The following SLC17A8 variants were observed in gnomAD, a reference collection of about 807,000 sequenced individuals.
SLC17A8 encodes the protein solute carrier family 17 member 8.
Under a neutral mutation model 58.0 loss-of-function variants are expected in SLC17A8, and 31 were observed. The observed-to-expected ratio is 0.53, with a 90% CI of 0.40 to 0.72. The LOEUF (loss-of-function observed/expected upper bound fraction) is 0.72. Ranked by LOEUF, SLC17A8 falls within the 30% of genes least tolerant of loss-of-function variation. The probability of loss-of-function intolerance (pLI) is 0.00; values close to 1 mark genes in which losing one functional copy is unlikely to be tolerated. For missense variants in SLC17A8, 655 were observed against 727.8 expected, an observed-to-expected ratio of 0.90 and a Z score of 1.15; for synonymous variants, 228 against 249.0, an observed-to-expected ratio of 0.92 and a Z score of 0.79.
At position 100,380,202 on chromosome 12, in the gene SLC17A8, G is replaced by A. The variant is rs1195879714; in HGVS notation, c.102-499G>A. Among the ~76,000 whole-genome samples the A allele has an allele frequency of 2.4e-3, 114 of 47,416 alleles. 1 individual carries two copies. The highest frequency in any genetic ancestry group is 0.017 in the African/African-American group (88 of 5,250). 31.1% of individuals were successfully genotyped at this position (47,416 alleles called of 152,430 possible). ...CAACGGGCAACAAAAGCAAAACTCC[G>A]TCTCAAAAAAAAAAAAAAAGACTTA... On this transcript the variant is annotated intron_variant, in intron 1 of 11. Coordinates refer to ENST00000323346, the MANE Select transcript of SLC17A8 (RefSeq NM_139319.3).
chr12:100,384,339 C>A (rs1952658297), intron 2 of SLC17A8, among the ~76,000 whole-genome samples: 1 of 152,130 alleles, frequency 6.6e-6, no homozygotes, highest in Non-Finnish European at 1.5e-5. Flanking sequence ...GTGGCTCATG[C>A]CTGTAATCCC....
intron 11 of SLC17A8, 129 bp from the exon 12 acceptor site, chr12:100,419,686 G>A (rs368259395): frequency 3.8e-5 from 32 of 842,146 alleles, no homozygotes; most frequent in African/African-American, 2.4e-4. Flanking sequence ...ACGTCCTCCC[G>A]CCCAAGGAGC....
rs1204563003 is a variant in SLC17A8, at chr12:100,420,352, T to G, written c.*193T>G. 2 of 572,022 alleles carry G rather than the reference T, an allele frequency of 3.5e-6. No individual in the cohort carries two copies. Among genetic ancestry groups the G allele is most frequent in the Non-Finnish European group, 6.2e-6 (2 of 321,972 alleles). 35.4% of individuals were successfully genotyped at this position (572,022 alleles called of 1,614,324 possible). A position where few individuals can be genotyped will look rare whatever the true frequency, so the allele number is the denominator to read the frequency against. ...AAGGAGCTGCGCTCAGTTGATAACA[T>G]AGTTGATAATACATATTTTTTGAAT... is the stretch of plus-strand genomic sequence containing the variant. On this transcript the variant is annotated 3_prime_UTR_variant, in exon 12 of 12. Coordinates refer to ENST00000323346, the MANE Select transcript of SLC17A8 (RefSeq NM_139319.3).
At chr12:100,377,650 G>A (rs114330435) in intron 1 of SLC17A8, among the ~76,000 whole-genome samples, 3,001 of 136,024 alleles carry the variant, frequency 0.022, 29 homozygotes, top group Non-Finnish European at 0.028. Context: ...ATGCAATGCC[G>A]CTATATCAGC....
chr12:100,415,114 G>C (rs527671185), intron 10 of SLC17A8, among the ~76,000 whole-genome samples: 2 of 152,318 alleles, frequency 1.3e-5, no homozygotes, highest in Non-Finnish European at 2.9e-5. Context: ...CAATCTGAAG[G>C]AGAGAAACCC....
intron 9 of SLC17A8, 25 bp downstream of exon 9, chr12:100,404,195 T>C (rs767650447): frequency 4.6e-5 from 74 of 1,613,886 alleles, no homozygotes; most frequent in Middle Eastern, 1.7e-4. Flanking sequence ...ATAGATGGCT[T>C]AGGCAGCTTT....
chr12:100,360,104 A>C (rs931665060), intron 1 of SLC17A8, among the ~76,000 whole-genome samples: 9 of 152,238 alleles, frequency 5.9e-5, no homozygotes, highest in African/African-American at 2.2e-4. Flanking sequence ...ACAGTCAGGC[A>C]TGATTAGCTT....
chr12:100,358,844 A>G (rs1257270371), intron 1 of SLC17A8, among the ~76,000 whole-genome samples: 1 of 152,224 alleles, frequency 6.6e-6, no homozygotes, highest in Non-Finnish European at 1.5e-5. Context: ...TGGCAAAGTC[A>G]AGAATAAAAA....
intron 1 of SLC17A8, among the ~76,000 whole-genome samples, chr12:100,373,080 C>CA (rs1466828510): frequency 2.0e-5 from 3 of 152,208 alleles, no homozygotes; most frequent in Middle Eastern, 3.4e-3. Flanking sequence ...GTTTGCTGGA[C>CA]AACTGTGCCT....
intron 8 of SLC17A8, among the ~76,000 whole-genome samples, chr12:100,403,017 C>T (rs545965845): frequency 1.1e-4 from 17 of 152,194 alleles, no homozygotes; most frequent in South Asian, 2.1e-4. Flanking sequence ...AGCTCAAGGA[C>T]GGCATATTAG....
intron 1 of SLC17A8, among the ~76,000 whole-genome samples, chr12:100,377,283 G>A (rs986531783): frequency 2.0e-5 from 3 of 152,056 alleles, no homozygotes; most frequent in Admixed American, 6.6e-5. Context: ...GAGGATTAAC[G>A]TAATAAAAAT....
rs1454936441 is a variant in SLC17A8 at position 100,391,168 on chromosome 12, G to C, written c.473+49G>C. 5 of 1,329,984 alleles carry C rather than the reference G, an allele frequency of 3.8e-6. No individual in the cohort carries two copies. The South Asian group carries it at 5.9e-5, about 16-fold the overall frequency. 82.4% of individuals were successfully genotyped at this position (1,329,984 alleles called of 1,614,324 possible). A position where few individuals can be genotyped will look rare whatever the true frequency, so the allele number is the denominator to read the frequency against. ...ATACAAACCAATGAAATGTGGCTTT[G>C]TACCTATAAATTCTGCATAGCTGGC... On this transcript the variant is annotated intron_variant, in intron 3 of 11. Transcript: ENST00000323346.
intron 10 of SLC17A8, among the ~76,000 whole-genome samples, chr12:100,416,516 A>ATG (rs1378576604): frequency 1.3e-5 from 2 of 152,014 alleles, no homozygotes; most frequent in Non-Finnish European, 2.9e-5. Context: ...GAACAAAAAA[A>ATG]TGTTTTAAGT....
Position 100,412,894 on chromosome 12 carries a change from T to C in SLC17A8, c.1297+14T>C, listed in dbSNP as rs1952880642. Reference sequence around the variant, plus strand: ...TCGCTATTTCAGGTAATGTGTCCTTTGGGTTTCCAGATCTTGACTATAGAT... The same window carrying C: ...TCGCTATTTCAGGTAATGTGTCCTTCGGGTTTCCAGATCTTGACTATAGAT... On this transcript the variant is annotated intron_variant, in intron 10 of 11. Transcript: ENST00000323346. The C allele has an allele frequency of 1.3e-6, 2 of 1,588,168 alleles. No homozygotes were observed. Among genetic ancestry groups the C allele is most frequent in the Non-Finnish European group, 1.7e-6 (2 of 1,156,450 alleles).
chr12:100,390,577 T>C (rs952581202), intron 2 of SLC17A8, among the ~76,000 whole-genome samples: 29 of 151,580 alleles, frequency 1.9e-4, no homozygotes, highest in African/African-American at 6.3e-4. Flanking sequence ...CTGGATCTCC[T>C]GACCTCGTGA....
chr12:100,393,486 A>G lies in SLC17A8; in HGVS notation c.588+3A>G, dbSNP rs1952731406. ...GAATTCTGCAAGGTTTAGTGGAGGTAGGAGATACTTTCCTTACAGTTTTTG... is the reference window on the plus strand; with the variant it reads ...GAATTCTGCAAGGTTTAGTGGAGGTGGGAGATACTTTCCTTACAGTTTTTG... On this transcript the variant is annotated splice_donor_region_variant and intron_variant, in intron 4 of 11. Coordinates refer to ENST00000323346, the MANE Select transcript of SLC17A8 (RefSeq NM_139319.3). 1.9e-6 allele frequency: 3 copies of G among 1,601,492 alleles called. No individual in the cohort carries two copies. The highest frequency in any genetic ancestry group is 2.6e-6 in the Non-Finnish European group (3 of 1,168,808).
At chr12:100,398,803 T>C (rs550167942) in intron 5 of SLC17A8, among the ~76,000 whole-genome samples, 3 of 152,232 alleles carry the variant, frequency 2.0e-5, no homozygotes, top group South Asian at 2.1e-4. Context: ...GATTGAATCA[T>C]GGGGGTGGGT....
At chr12:100,394,172 A>G (rs1952735921) in intron 4 of SLC17A8, among the ~76,000 whole-genome samples, 1 of 152,154 alleles carries the variant, frequency 6.6e-6, no homozygotes, top group African/African-American at 2.4e-5. Context: ...TGGTGAACCA[A>G]TTGGCCCATA....
In SLC17A8 at chr12:100,407,121, A is replaced by G. The variant is rs143463151; in HGVS notation, c.1186+2951A>G. On this transcript the variant is annotated intron_variant, in intron 9 of 11. Transcript: ENST00000323346. ...GGTGTTCAACCTATAAAAAGTTCTC[A>G]ACAAATGTTAATGCTGCTTTTTTTC... Among the ~76,000 whole-genome samples, 183 of 152,352 alleles carry G rather than the reference A, an allele frequency of 1.2e-3. 1 individual carries two copies. Among genetic ancestry groups the G allele is most frequent in the Admixed American group, 2.4e-3 (37 of 15,306 alleles).
Sources: allele counts gnomAD v4.1 joint callset (sites outside exome capture counted in the v4.1 genomes callset), GRCh38; gene constraint gnomAD v4.1.1; transcripts MANE v1.5; gene names NCBI Gene and HGNC (gene_info 2026-07-23, HGNC 2026-07-21).